The following PGPEP1L variants were observed in gnomAD, a reference collection of about 807,000 sequenced individuals.
PGPEP1L encodes the protein pyroglutamyl-peptidase 1-like protein.
PGPEP1L carries 7 observed loss-of-function variants against 6.0 expected under a neutral mutation model. That is an observed-to-expected ratio of 1.17 (90% CI 0.66 to 2.19). The LOEUF is 2.19. Ranked by LOEUF, PGPEP1L falls within the 30% of genes most tolerant of loss-of-function variation. The probability of loss-of-function intolerance (pLI) is 0.00; values close to 1 mark genes in which losing one functional copy is unlikely to be tolerated. For missense variants in PGPEP1L, 209 were observed against 192.5 expected, an observed-to-expected ratio of 1.09 and a Z score of -0.51; for synonymous variants, 103 against 83.9, an observed-to-expected ratio of 1.23 and a Z score of -1.24.
rs1405199732 is a variant in PGPEP1L at position 99,007,527 on chromosome 15, T to C, written c.-538A>G. ...TCGGAGTTTCTTCCTTCTGGCAGAT[T>C]CGTGATCTCGCTGACTTCAGGAGTG... is the stretch of plus-strand genomic sequence containing the variant. On this transcript the variant is annotated 5_prime_UTR_variant, in exon 1 of 5. Transcript: ENST00000535714. 6.6e-6 allele frequency: 1 copy of C among 152,216 alleles called. No individual in the cohort carries two copies. The highest frequency in any genetic ancestry group is 6.5e-5 in the Admixed American group (1 of 15,276). 9.4% of individuals were successfully genotyped at this position (152,216 alleles called of 1,614,324 possible). A position where few individuals can be genotyped will look rare whatever the true frequency, so the allele number is the denominator to read the frequency against.
chr15:98,993,333 GAAAC>G (rs1215498936), intron 2 of PGPEP1L, among the ~76,000 whole-genome samples: 25 of 152,168 alleles, frequency 1.6e-4, no homozygotes, highest in African/African-American at 5.5e-4. Flanking sequence ...ATGTGGCCAA[GAAAC>G]ATATAAAAAA....
intron 2 of PGPEP1L, chr15:99,001,138 T>A: frequency 2.2e-6 from 1 of 445,898 alleles, no homozygotes; most frequent in Non-Finnish European, 4.5e-6. Flanking sequence ...CAAACATCAG[T>A]CAAGAAATAA....
intron 2 of PGPEP1L, among the ~76,000 whole-genome samples, chr15:98,972,552 G>C (rs1286756477): frequency 1.3e-5 from 2 of 151,956 alleles, no homozygotes; most frequent in Admixed American, 6.6e-5. Context: ...ACCTTGAGTG[G>C]AATGGATTAA....
intron 2 of PGPEP1L, among the ~76,000 whole-genome samples, chr15:99,004,751 A>G (rs1156835238): frequency 6.6e-6 from 1 of 152,140 alleles, no homozygotes; most frequent in Non-Finnish European, 1.5e-5. Flanking sequence ...ACCTTTGTGA[A>G]GATCAGGCCC....
In PGPEP1L at chr15:98,971,202, G is replaced by T. The variant is rs767615482; in HGVS notation, c.-141-44C>A. On this transcript the variant is annotated intron_variant, in intron 2 of 4. Transcript: ENST00000535714. ...GGACTTGCCTCAGTTGATGGGGGGGGGGGGGGGGTGGGCACCAAGAGTCCC... is the reference window on the plus strand; with the variant it reads ...GGACTTGCCTCAGTTGATGGGGGGGTGGGGGGGGTGGGCACCAAGAGTCCC... 6.8e-5 allele frequency: 48 copies of T among 710,322 alleles called. 3 individuals are homozygous for T. The highest frequency in any genetic ancestry group is 3.9e-4 in the East Asian group (8 of 20,774). 44.0% of individuals were successfully genotyped at this position (710,322 alleles called of 1,614,324 possible).
chr15:98,996,494 A>G (rs2017889154), intron 2 of PGPEP1L, among the ~76,000 whole-genome samples: 1 of 147,044 alleles, frequency 6.8e-6, no homozygotes, highest in South Asian at 2.2e-4. Flanking sequence ...GTGTATGTCT[A>G]GATGTATACA....
At chr15:99,002,464 G>A (rs1188172606) in intron 2 of PGPEP1L, among the ~76,000 whole-genome samples, 2 of 151,596 alleles carry the variant, frequency 1.3e-5, no homozygotes, top group Non-Finnish European at 2.9e-5. Flanking sequence ...GGTGGTGATA[G>A]GAAGCTACAC....
intron 2 of PGPEP1L, among the ~76,000 whole-genome samples, chr15:98,986,996 G>A (rs182130816): frequency 2.6e-5 from 4 of 151,646 alleles, no homozygotes; most frequent in African/African-American, 9.7e-5. Flanking sequence ...ATGAAACCTC[G>A]TTTCTACTAA....
chr15:98,978,875 ACGCGCCAT>A lies in PGPEP1L; in HGVS notation c.-141-7725_-141-7718del, dbSNP rs2017612624. 6.6e-5 allele frequency among the ~76,000 whole-genome samples: 10 copies of A among 151,144 alleles called. No homozygotes were observed. The South Asian group carries it at 1.9e-3, about 28-fold the overall frequency. ...CTCCCGAGTAGCTGGGACTACAGGC[ACGCGCCAT>A]CACGCCCAGTTAATTTTTGTGTTTT... On this transcript the variant is annotated intron_variant, in intron 2 of 4. Coordinates refer to ENST00000535714, the MANE Select transcript of PGPEP1L (RefSeq NM_001167902.2).
At chr15:98,997,860 C>G (rs116522135) in intron 2 of PGPEP1L, among the ~76,000 whole-genome samples, 1,700 of 152,246 alleles carry the variant, frequency 0.011, 25 homozygotes, top group African/African-American at 0.038. Context: ...TCTGAGGACA[C>G]TCCCCATCCC....
chr15:98,989,001 G>T lies in PGPEP1L; in HGVS notation c.-142+16428C>A, dbSNP rs187160201. On this transcript the variant is annotated intron_variant, in intron 2 of 4. Coordinates refer to ENST00000535714, the MANE Select transcript of PGPEP1L (RefSeq NM_001167902.2). ...AGGTCACCAACATCAGAGACCAAAG[G>T]TAGAAAAATCCATGAAGATGGGGAG... is the stretch of plus-strand genomic sequence containing the variant. Among the ~76,000 whole-genome samples the T allele has an allele frequency of 6.8e-4, 103 of 152,280 alleles. 1 individual carries two copies. Among genetic ancestry groups the T allele is most frequent in the Admixed American group, 6.7e-3 (103 of 15,302 alleles).
intron 2 of PGPEP1L, among the ~76,000 whole-genome samples, chr15:98,996,637 T>C (rs1485897421): frequency 2.0e-5 from 3 of 152,140 alleles, no homozygotes; most frequent in Non-Finnish European, 2.9e-5. Context: ...GTGTGTTGTG[T>C]GCATGTTGTA....
intron 2 of PGPEP1L, among the ~76,000 whole-genome samples, chr15:98,990,510 AGTGG>A (rs1278211592): frequency 2.0e-4 from 30 of 152,296 alleles, no homozygotes; most frequent in African/African-American, 7.0e-4. Context: ...ACACAATAAT[AGTGG>A]GAGACTTTAA....
intron 2 of PGPEP1L, among the ~76,000 whole-genome samples, chr15:98,982,700 C>CTTTTTTTTTTTTTTTTTTTTTT (rs369749842): frequency 1.1e-4 from 6 of 52,510 alleles, no homozygotes; most frequent in Non-Finnish European, 1.7e-4. Flanking sequence ...TTATCTGAGG[C>CTTTTTTTTTTTTTTTTTTTTTT]TTTTTTTTTT....
chr15:98,976,820 AC>A (rs2017576777), intron 2 of PGPEP1L, among the ~76,000 whole-genome samples: 1 of 152,194 alleles, frequency 6.6e-6, no homozygotes, highest in African/African-American at 2.4e-5. Flanking sequence ...TGGAGATAAT[AC>A]ATTTTTACAG....
At chr15:98,987,283 G>A (rs782202117) in intron 2 of PGPEP1L, among the ~76,000 whole-genome samples, 19 of 151,320 alleles carry the variant, frequency 1.3e-4, no homozygotes, top group Non-Finnish European at 2.8e-4. Context: ...ATATTGGAGT[G>A]TTGGTGGTAG....
chr15:98,968,844 G>A (rs981233995), intron 4 of PGPEP1L, 147 bp from the exon 5 acceptor site: 7 of 786,308 alleles, frequency 8.9e-6, no homozygotes, highest in Middle Eastern at 3.6e-4. Flanking sequence ...ACCTCAGAAA[G>A]AACATGGTGC....
At position 98,990,675 on chromosome 15, in the gene PGPEP1L, A is replaced by G. The variant is rs543934420; in HGVS notation, c.-142+14754T>C. On this transcript the variant is annotated intron_variant, in intron 2 of 4. Coordinates refer to ENST00000535714, the MANE Select transcript of PGPEP1L (RefSeq NM_001167902.2). Reference sequence around the variant, plus strand: ...CAGAATATACATTCTTCTCAGCACCACATCACACTTATTCTAAAATTGACC... The same window carrying G: ...CAGAATATACATTCTTCTCAGCACCGCATCACACTTATTCTAAAATTGACC... 1.6e-4 allele frequency among the ~76,000 whole-genome samples: 25 copies of G among 152,322 alleles called. 1 individual carries two copies. In the South Asian group the frequency reaches 4.4e-3, roughly 27 times the overall value.
chr15:99,001,320 T>C, intron 2 of PGPEP1L: 1 of 228,418 alleles, frequency 4.4e-6, no homozygotes, highest in South Asian at 4.3e-5. Context: ...ACATGTAAAA[T>C]GATTCCATTT....
Sources: gnomAD v4.1 joint callset for allele counts (sites outside exome capture counted in the v4.1 genomes callset) on GRCh38, gnomAD v4.1.1 for gene constraint, MANE v1.5 for transcripts, NCBI Gene and HGNC (gene_info 2026-07-23, HGNC 2026-07-21) for gene names.